The following LINGO2 variants were observed in gnomAD, a reference collection of about 807,000 sequenced individuals.
LINGO2 encodes leucine rich repeat and Ig domain containing 2, also known as leucine-rich repeat and immunoglobulin-like domain-containing nogo receptor-interacting protein 2.
LINGO2 carries 14 observed loss-of-function variants against 30.6 expected under a neutral mutation model. That is an observed-to-expected ratio of 0.46 (90% CI 0.30 to 0.72). The LOEUF (loss-of-function observed/expected upper bound fraction) is 0.72, where lower values mean the gene tolerates loss of function less well. LINGO2 is among the 30% of genes least tolerant of loss of function. The pLI is 0.07. For synonymous variants in LINGO2, 317 were observed against 288.5 expected (o/e 1.10, Z -1.00); for missense variants, 729 against 751.7 (o/e 0.97, Z 0.35).
the LINGO2 span, among the ~76,000 whole-genome samples, chr9:29,086,309 T>C: frequency 6.6e-6 from 1 of 152,246 alleles, no homozygotes; most frequent in Non-Finnish European, 1.5e-5. Flanking sequence ...TAGAAATTTC[T>C]ATGAAATAGA....
At chr9:28,109,343 G>T (rs1260523545) in intron 4 of LINGO2, among the ~76,000 whole-genome samples, 11 of 152,126 alleles carry the variant, frequency 7.2e-5, no homozygotes, top group Non-Finnish European at 2.9e-5. Context: ...CCAAGACAAG[G>T]ATGCCCTCTC....
chr9:28,673,960 T>TAA (rs544775236), upstream of LINGO2, among the ~76,000 whole-genome samples: 4 of 144,548 alleles, frequency 2.8e-5, no homozygotes, highest in African/African-American at 1.0e-4. Context: ...AAAGAAAAAA[T>TAA]AAAAAAAAAA....
chr9:29,028,429 T>TGTGA, the LINGO2 span, among the ~76,000 whole-genome samples: 22,624 of 111,916 alleles, frequency 0.2, 2,162 homozygotes, highest in East Asian at 0.36. Flanking sequence ...TGGGGGGGGG[T>TGTGA]GAGAGAGAGA....
At chr9:28,681,380 C>T in the LINGO2 span, among the ~76,000 whole-genome samples, 1 of 152,126 alleles carries the variant, frequency 6.6e-6, no homozygotes, top group East Asian at 1.9e-4. Context: ...GCAATGATAG[C>T]AAAAATCCAA....
chr9:28,055,657 G>C (rs1455897778), intron 4 of LINGO2, among the ~76,000 whole-genome samples: 1 of 152,102 alleles, frequency 6.6e-6, no homozygotes, highest in African/African-American at 2.4e-5. Context: ...AGTTTGTTAG[G>C]TTTGCTAGAT....
intron 4 of LINGO2, among the ~76,000 whole-genome samples, chr9:28,066,825 T>A (rs1333345669): frequency 2.0e-5 from 3 of 152,108 alleles, no homozygotes; most frequent in African/African-American, 7.2e-5. Flanking sequence ...TAATGTGTTA[T>A]TCATATTTCT....
At chr9:29,022,261 T>C in the LINGO2 span, among the ~76,000 whole-genome samples, 2 of 152,212 alleles carry the variant, frequency 1.3e-5, no homozygotes, top group Non-Finnish European at 2.9e-5. Context: ...GTTGGTTATA[T>C]AACTTGCTCA....
intron 1 of LINGO2, among the ~76,000 whole-genome samples, chr9:28,616,559 G>A (rs921820659): frequency 1.3e-5 from 2 of 152,184 alleles, no homozygotes; most frequent in African/African-American, 4.8e-5. Flanking sequence ...TGAGCCATGT[G>A]TATGAGGGCA....
chr9:28,972,594 G>A, the LINGO2 span, among the ~76,000 whole-genome samples: 1 of 152,074 alleles, frequency 6.6e-6, no homozygotes, highest in African/African-American at 2.4e-5. Flanking sequence ...TTGAAGACAG[G>A]CTATTTGAAA....
the LINGO2 span, among the ~76,000 whole-genome samples, chr9:29,052,261 T>C: frequency 6.6e-6 from 1 of 152,184 alleles, no homozygotes; most frequent in Non-Finnish European, 1.5e-5. Flanking sequence ...CTCATCCATC[T>C]AGCAACCAAG....
chr9:28,887,017 T>G, the LINGO2 span, among the ~76,000 whole-genome samples: 1 of 152,092 alleles, frequency 6.6e-6, no homozygotes, highest in Non-Finnish European at 1.5e-5. Context: ...TTTCATTGCT[T>G]AAGGTAATGC....
the LINGO2 span, among the ~76,000 whole-genome samples, chr9:28,977,453 T>G: frequency 1.3e-5 from 2 of 152,140 alleles, no homozygotes; most frequent in Non-Finnish European, 2.9e-5. Context: ...ATGTTTATGA[T>G]TTTTGAAAGC....
chr9:29,126,221 A>G, the LINGO2 span, among the ~76,000 whole-genome samples: 2 of 152,016 alleles, frequency 1.3e-5, no homozygotes, highest in Non-Finnish European at 2.9e-5. Context: ...AGAAAAAAAT[A>G]TATAATTGAG....
chr9:28,377,755 C>T (rs1398396760), intron 2 of LINGO2, among the ~76,000 whole-genome samples: 1 of 152,126 alleles, frequency 6.6e-6, no homozygotes, highest in Non-Finnish European at 1.5e-5. Context: ...CTATTCAAGA[C>T]TTCTCTATTT....
the LINGO2 span, among the ~76,000 whole-genome samples, chr9:29,002,476 GT>G: frequency 2.0e-5 from 3 of 152,064 alleles, no homozygotes. Context: ...CATACTAAAT[GT>G]GACTGCTTTG....
intron 5 of LINGO2, among the ~76,000 whole-genome samples, chr9:28,007,892 C>T (rs1822345233): frequency 6.6e-6 from 1 of 152,014 alleles, no homozygotes; most frequent in Non-Finnish European, 1.5e-5. Context: ...TCCATTTTAC[C>T]ACGGTGTCAC....
At chr9:27,951,546 A>G (rs1021313725) in intron 5 of LINGO2, among the ~76,000 whole-genome samples, 2 of 152,306 alleles carry the variant, frequency 1.3e-5, no homozygotes, top group East Asian at 3.9e-4. Context: ...TCACATTCAG[A>G]CAAACTCAGT....
the LINGO2 span, among the ~76,000 whole-genome samples, chr9:28,937,779 G>A: frequency 6.6e-6 from 1 of 152,108 alleles, no homozygotes; most frequent in Non-Finnish European, 1.5e-5. Flanking sequence ...TTGCTGTTTG[G>A]ATCATTTTTC....
the LINGO2 span, among the ~76,000 whole-genome samples, chr9:28,886,904 T>C: frequency 6.6e-6 from 1 of 152,132 alleles, no homozygotes; most frequent in African/African-American, 2.4e-5. Flanking sequence ...GAAATAGTAG[T>C]TAGAGCTTCG....
Sources: allele counts gnomAD v4.1 joint callset (sites outside exome capture counted in the v4.1 genomes callset), GRCh38; gene constraint gnomAD v4.1.1; transcripts MANE v1.5; gene names NCBI Gene and HGNC (gene_info 2026-07-23, HGNC 2026-07-21).